Variants in SCN7A observed in about 807,000 individuals in gnomAD.
SCN7A encodes sodium voltage-gated channel alpha subunit 7.
A neutral mutation model predicts 155.2 loss-of-function variants in SCN7A; 138 were observed. That is an observed-to-expected ratio of 0.89 (90% CI 0.77 to 1.02). The LOEUF (loss-of-function observed/expected upper bound fraction) is 1.02, where lower values mean the gene tolerates loss of function less well. Among genes scored for constraint, SCN7A ranks in the 50% least tolerant of loss-of-function variants. The probability of loss-of-function intolerance (pLI) is 0.00; values close to 1 mark genes in which losing one functional copy is unlikely to be tolerated. For synonymous variants in SCN7A, 693 were observed against 649.0 expected, an observed-to-expected ratio of 1.07 and a Z score of -1.03; for missense variants, 2,058 against 1,986.6, an observed-to-expected ratio of 1.04 and a Z score of -0.68.
At chr2:166,410,802 A>G (rs964182983) in intron 23 of SCN7A, among the ~76,000 whole-genome samples, 1 of 152,084 alleles carries the variant, frequency 6.6e-6, no homozygotes, top group African/African-American at 2.4e-5. Context: ...CTATTATTCC[A>G]AAAGCACCTT....
intron 11 of SCN7A, among the ~76,000 whole-genome samples, chr2:166,451,406 T>A (rs897216320): frequency 6.6e-6 from 1 of 152,230 alleles, no homozygotes; most frequent in African/African-American, 2.4e-5. Flanking sequence ...ACCCTTCCTC[T>A]GTGGATATTT....
Position 166,459,461 on chromosome 2 carries a change from G to C in SCN7A, c.1084-2385C>G, listed in dbSNP as rs201970619. ...AACATAATTTTGTTCCCTGAGGTTTGACACTGTTTTGTTCATTTCTGTACC... is the reference window on the plus strand; with the variant it reads ...AACATAATTTTGTTCCCTGAGGTTTCACACTGTTTTGTTCATTTCTGTACC... On this transcript the variant is annotated intron_variant, in intron 10 of 25. Coordinates refer to ENST00000643258, the MANE Select transcript of SCN7A (RefSeq NM_002976.4). 1.4e-4 allele frequency among the ~76,000 whole-genome samples: 21 copies of C among 152,170 alleles called. No individual in the cohort carries two copies. The East Asian group carries it at 3.3e-3, about 24-fold the overall frequency.
chr2:166,450,056 G>C (rs755729137), intron 11 of SCN7A, among the ~76,000 whole-genome samples: 1 of 152,074 alleles, frequency 6.6e-6, no homozygotes, highest in South Asian at 2.1e-4. Context: ...AAGGACAAGG[G>C]ATCAATCCAG....
chr2:166,405,986 G>C lies in SCN7A; in HGVS notation c.4643C>G (p.Pro1548Arg). The C allele has an allele frequency of 6.2e-7, 1 of 1,613,008 alleles. No individual in the cohort carries two copies. The highest frequency in any genetic ancestry group is 8.5e-7 in the Non-Finnish European group (1 of 1,179,404). Reference sequence around the variant, plus strand: ...CTTGTTTGGTTTTGCCATGAAAAGAGGAGGATCAAGAGCAGCTGCAAAATC... The same window carrying C: ...CTTGTTTGGTTTTGCCATGAAAAGACGAGGATCAAGAGCAGCTGCAAAATC... Reference protein sequence around the residue: ...LSDFAAALDPPLFMAKPNKGQ... With the variant: ...LSDFAAALDPRLFMAKPNKGQ... The change falls in exon 26 of 26, where the codon CCT (proline) becomes CGT (arginine). Residue 1548 changes from proline to arginine, a missense_variant. Physicochemically the swap from Pro to Arg is moderately radical, Grantham distance 103. Coordinates refer to ENST00000643258, the MANE Select transcript of SCN7A (RefSeq NM_002976.4).
chr2:166,485,639 A>G (rs962436589), intron 2 of SCN7A, among the ~76,000 whole-genome samples: 3 of 152,128 alleles, frequency 2.0e-5, no homozygotes, highest in Admixed American at 2.0e-4. Flanking sequence ...AATAAAAAGT[A>G]AAGCTGGTTC....
chr2:166,406,343 T>A lies in SCN7A; in HGVS notation c.4286A>T (p.Gln1429Leu). The A allele has an allele frequency of 1.9e-6, 3 of 1,613,160 alleles. No homozygotes were observed. Among genetic ancestry groups the A allele is most frequent in the South Asian group, 1.1e-5 (1 of 91,070 alleles). Reference protein sequence around the residue: ...TFGNSMLCLFQVAIFAGWDGM... With the variant: ...TFGNSMLCLFLVAIFAGWDGM... Reference sequence around the variant, plus strand: ...ATCCCAACCAGCAAATATTGCAACTTGAAAAAGACAGAGCATACTGTTGCC... The same window carrying A: ...ATCCCAACCAGCAAATATTGCAACTAGAAAAAGACAGAGCATACTGTTGCC... Residue 1429 changes from glutamine (Q) to leucine (L), a missense_variant, in exon 26 of 26, where the codon CAA (glutamine) becomes CTA (leucine). Physicochemically the swap from Gln to Leu is moderately radical, Grantham distance 113. Transcript: ENST00000643258.
chr2:166,471,153 T>C (rs1352247493), intron 6 of SCN7A, among the ~76,000 whole-genome samples: 2 of 151,760 alleles, frequency 1.3e-5, no homozygotes, highest in Non-Finnish European at 2.9e-5. Flanking sequence ...AGGATGATGG[T>C]GATGAAGGTA....
intron 9 of SCN7A, among the ~76,000 whole-genome samples, chr2:166,462,777 T>C (rs940903601): frequency 2.0e-5 from 3 of 152,208 alleles, no homozygotes; most frequent in East Asian, 1.9e-4. Flanking sequence ...GCCAAGCTAT[T>C]TTTTTTGTAT....
chr2:166,410,344 A>G lies in SCN7A; in HGVS notation c.3607-20T>C, dbSNP rs1351024229. On this transcript the variant is annotated intron_variant, in intron 23 of 25. Transcript: ENST00000643258. ...TCCCAGGTAAAGAAAGGAAAGAAAAATATATTAAAATCACACTTAATCCAA... is the reference window on the plus strand; with the variant it reads ...TCCCAGGTAAAGAAAGGAAAGAAAAGTATATTAAAATCACACTTAATCCAA... The G allele has an allele frequency of 2.7e-6, 4 of 1,487,108 alleles. No individual in the cohort carries two copies. Among genetic ancestry groups the G allele is most frequent in the Admixed American group, 2.2e-5 (1 of 44,812 alleles). 92.1% of individuals were successfully genotyped at this position (1,487,108 alleles called of 1,614,324 possible).
chr2:166,482,697 C>A (rs1255708523), intron 2 of SCN7A, among the ~76,000 whole-genome samples: 1 of 150,974 alleles, frequency 6.6e-6, no homozygotes, highest in Non-Finnish European at 1.5e-5. Flanking sequence ...AATCAAACTA[C>A]CCTGGGTTGT....
intron 7 of SCN7A, among the ~76,000 whole-genome samples, chr2:166,470,379 T>C (rs1702627248): frequency 6.6e-6 from 1 of 151,900 alleles, no homozygotes; most frequent in Admixed American, 6.6e-5. Flanking sequence ...ATATATTTCA[T>C]TGATGTATAT....
intron 2 of SCN7A, among the ~76,000 whole-genome samples, chr2:166,483,385 A>C (rs563992941): frequency 6.6e-6 from 1 of 151,968 alleles, no homozygotes; most frequent in South Asian, 2.1e-4. Flanking sequence ...AGTTACTCGG[A>C]TAGTGTGGGG....
intron 7 of SCN7A, among the ~76,000 whole-genome samples, chr2:166,470,241 A>G (rs35484135): frequency 2.0e-5 from 3 of 151,884 alleles, no homozygotes; most frequent in Non-Finnish European, 4.4e-5. Flanking sequence ...GTTCATGTCA[A>G]CTGGTTTCTT....
chr2:166,405,459 A>G lies in SCN7A; in HGVS notation c.*121T>C, dbSNP rs990574968. The G allele has an allele frequency of 5.7e-5, 42 of 741,030 alleles. 1 individual carries two copies. Among genetic ancestry groups the G allele is most frequent in the Non-Finnish European group, 8.9e-5 (41 of 461,380 alleles). 45.9% of individuals were successfully genotyped at this position (741,030 alleles called of 1,614,324 possible). ...TTTGGCATGAAGTCTTGTGAATACAAGCTTAATTACCATCGGTTGTAAAGA... is the reference window on the plus strand; with the variant it reads ...TTTGGCATGAAGTCTTGTGAATACAGGCTTAATTACCATCGGTTGTAAAGA... On this transcript the variant is annotated 3_prime_UTR_variant, in exon 26 of 26. Coordinates refer to ENST00000643258, the MANE Select transcript of SCN7A (RefSeq NM_002976.4).
At chr2:166,450,422 G>A (rs1181290798) in intron 11 of SCN7A, among the ~76,000 whole-genome samples, 1 of 152,010 alleles carries the variant, frequency 6.6e-6, no homozygotes, top group Non-Finnish European at 1.5e-5. Flanking sequence ...CATGCAATTT[G>A]CCCATGTAAC....
intron 12 of SCN7A, 42 bp downstream of exon 12, chr2:166,447,570 T>A (rs1397914194): frequency 3.1e-6 from 4 of 1,276,132 alleles, no homozygotes; most frequent in Non-Finnish European, 3.4e-6. Flanking sequence ...ATTTTATGAG[T>A]AGTACCTTCA....
chr2:166,473,891 A>G lies in SCN7A; in HGVS notation c.354-3T>C. 1 of 1,506,134 alleles carries G rather than the reference A, an allele frequency of 6.6e-7. No individual in the cohort carries two copies. Among genetic ancestry groups the G allele is most frequent in the Non-Finnish European group, 9.1e-7 (1 of 1,096,388 alleles). 93.3% of individuals were successfully genotyped at this position (1,506,134 alleles called of 1,614,324 possible). On this transcript the variant is annotated splice_polypyrimidine_tract_variant and splice_region_variant and intron_variant, in intron 4 of 25. Transcript: ENST00000643258. Reference sequence around the variant, plus strand: ...TTAGAATAAACAGTTGGAAAAAGGTAGCTTATAGTCAAGGAATAATAGTTA... The same window carrying G: ...TTAGAATAAACAGTTGGAAAAAGGTGGCTTATAGTCAAGGAATAATAGTTA...
At chr2:166,439,388 G>C (rs961633424) in intron 15 of SCN7A, among the ~76,000 whole-genome samples, 3 of 151,966 alleles carry the variant, frequency 2.0e-5, no homozygotes, top group Non-Finnish European at 4.4e-5. Flanking sequence ...TTCTAGAAAA[G>C]AAATTCTTTC....
intron 15 of SCN7A, chr2:166,440,651 T>C (rs1559104981): frequency 6.6e-6 from 1 of 152,024 alleles, no homozygotes; most frequent in Non-Finnish European, 1.5e-5. Context: ...TTGTATACAA[T>C]AAATACAAAC....
Sources: allele counts gnomAD v4.1 joint callset (sites outside exome capture counted in the v4.1 genomes callset), GRCh38; gene constraint gnomAD v4.1.1; transcripts MANE v1.5; gene names NCBI Gene and HGNC (gene_info 2026-07-23, HGNC 2026-07-21).